Variants in DMGDH observed in about 807,000 individuals in gnomAD.
DMGDH encodes the protein dimethylglycine dehydrogenase, mitochondrial.
Under a neutral mutation model 95.2 loss-of-function variants are expected in DMGDH, and 76 were observed. The observed-to-expected ratio is 0.80, with a 90% confidence interval of 0.66 to 0.97. The LOEUF is 0.97. Among genes scored for constraint, DMGDH ranks in the 50% least tolerant of loss-of-function variants. The probability of loss-of-function intolerance (pLI) is 0.00; values close to 1 mark genes in which losing one functional copy is unlikely to be tolerated. For synonymous variants in DMGDH, 345 were observed against 377.6 expected, an observed-to-expected ratio of 0.91 and a Z score of 1.00; for missense variants, 987 against 1,055.0, an observed-to-expected ratio of 0.94 and a Z score of 0.89.
At chr5:79,015,889 A>C (rs1753723925) in intron 14 of DMGDH, among the ~76,000 whole-genome samples, 2 of 152,240 alleles carry the variant, frequency 1.3e-5, no homozygotes, top group African/African-American at 4.8e-5. Context: ...TAAAACAAAC[A>C]AAATGATTAT....
At chr5:79,030,647 C>CAAAAA (rs59687681) in intron 10 of DMGDH, 186 bp downstream of exon 10, 43 of 385,944 alleles carry the variant, frequency 1.1e-4, no homozygotes, top group Admixed American at 2.5e-4. Context: ...CTCTGTCTCT[C>CAAAAA]AAAAAAAAAA....
chr5:79,018,130 C>T (rs138927674), intron 14 of DMGDH, among the ~76,000 whole-genome samples: 1,592 of 152,314 alleles, frequency 0.01, 22 homozygotes, highest in African/African-American at 0.036. Flanking sequence ...TCACTGCAGC[C>T]TTGACCTCCC....
chr5:79,001,134 C>G (rs546149430), intron 15 of DMGDH: 1 of 544,626 alleles, frequency 1.8e-6, no homozygotes, highest in East Asian at 3.0e-5. Flanking sequence ...GCCCTGGAAG[C>G]AGCTCTGCGG....
intron 14 of DMGDH, among the ~76,000 whole-genome samples, chr5:79,008,263 G>A (rs1753584032): frequency 6.6e-6 from 1 of 152,118 alleles, no homozygotes. Flanking sequence ...GCGGGGATCG[G>A]GGCATTCTTT....
intron 13 of DMGDH, among the ~76,000 whole-genome samples, chr5:79,026,157 G>A (rs1202903229): frequency 6.6e-6 from 1 of 152,144 alleles, no homozygotes; most frequent in Non-Finnish European, 1.5e-5. Flanking sequence ...CATGAGGCAA[G>A]CCGGCTCCCC....
At chr5:79,014,880 AG>A (rs1014674376) in intron 14 of DMGDH, among the ~76,000 whole-genome samples, 1 of 71,686 alleles carries the variant, frequency 1.4e-5, no homozygotes, top group African/African-American at 7.6e-5. Flanking sequence ...GATCAGACAC[AG>A]GGGTGAGGCT....
intron 14 of DMGDH, among the ~76,000 whole-genome samples, chr5:79,016,540 C>A (rs1753738269): frequency 6.6e-6 from 1 of 152,098 alleles, no homozygotes; most frequent in African/African-American, 2.4e-5. Flanking sequence ...ATATGTAAGA[C>A]CTGTATACTG....
chr5:79,063,357 A>G (rs1204922430), intron 2 of DMGDH, among the ~76,000 whole-genome samples: 3 of 152,334 alleles, frequency 2.0e-5, no homozygotes, highest in South Asian at 4.1e-4. Flanking sequence ...AACTTATGTA[A>G]CTTGCCAAAA....
At chr5:79,021,111 A>G in intron 14 of DMGDH, 1 of 982,716 alleles carries the variant, frequency 1.0e-6, no homozygotes, top group Non-Finnish European at 1.2e-6. Context: ...TTTAGTTAAG[A>G]AGATTTTAAA....
intron 15 of DMGDH, among the ~76,000 whole-genome samples, chr5:79,002,334 C>T (rs146505926): frequency 6.6e-6 from 1 of 152,232 alleles, no homozygotes; most frequent in Non-Finnish European, 1.5e-5. Flanking sequence ...ACTGAGCCAC[C>T]GAATATAAAG....
intron 5 of DMGDH, among the ~76,000 whole-genome samples, chr5:79,050,085 C>T (rs369714652): frequency 1.1e-4 from 17 of 151,018 alleles, no homozygotes; most frequent in Non-Finnish European, 2.2e-4. Flanking sequence ...GGTGAAACCC[C>T]GTCTCTACTA....
intron 14 of DMGDH, chr5:79,021,172 T>TG: frequency 1.0e-6 from 1 of 988,582 alleles, no homozygotes; most frequent in Non-Finnish European, 1.2e-6. Flanking sequence ...CTTCCTGAAG[T>TG]GGCTCTACGG....
intron 15 of DMGDH, among the ~76,000 whole-genome samples, chr5:79,002,509 C>T (rs1373705165): frequency 6.6e-6 from 1 of 152,124 alleles, no homozygotes; most frequent in Non-Finnish European, 1.5e-5. Context: ...TTATTTTGTC[C>T]ATTGTCTGTC....
intron 5 of DMGDH, among the ~76,000 whole-genome samples, chr5:79,050,114 G>A (rs1293140160): frequency 6.6e-6 from 1 of 151,106 alleles, no homozygotes; most frequent in African/African-American, 2.4e-5. Flanking sequence ...AAAATTAGCC[G>A]GGTGTGGTGG....
intron 1 of DMGDH, among the ~76,000 whole-genome samples, chr5:79,068,884 G>A (rs1044275767): frequency 1.3e-5 from 2 of 152,170 alleles, no homozygotes; most frequent in African/African-American, 2.4e-5. Context: ...CTGGTGTGCC[G>A]CATGCAAACT....
chr5:79,044,219 G>A (rs574537036), intron 6 of DMGDH, 85 bp downstream of exon 6: 4 of 1,588,014 alleles, frequency 2.5e-6, no homozygotes, highest in Admixed American at 1.7e-5. Context: ...TTATGTTGTT[G>A]TCTTATTCTA....
intron 15 of DMGDH, among the ~76,000 whole-genome samples, chr5:78,999,837 G>A (rs1467920891): frequency 6.6e-6 from 1 of 151,246 alleles, no homozygotes; most frequent in African/African-American, 2.4e-5. Context: ...AGGGATTAGG[G>A]TCAGAGAGGT....
At chr5:79,033,803 G>A (rs1376114376) in intron 7 of DMGDH, among the ~76,000 whole-genome samples, 3 of 152,092 alleles carry the variant, frequency 2.0e-5, no homozygotes, top group South Asian at 2.1e-4. Flanking sequence ...ATGGTGGCAC[G>A]AGACTGTGGT....
At chr5:79,055,760 T>G (rs1172404049) in intron 3 of DMGDH, 50 bp downstream of exon 3, 1 of 1,124,890 alleles carries the variant, frequency 8.9e-7, no homozygotes, top group Non-Finnish European at 1.3e-6. Context: ...AAATCTTACA[T>G]GTTTCTGAGA....
Sources: gnomAD v4.1 joint callset for allele counts (sites outside exome capture counted in the v4.1 genomes callset) on GRCh38, gnomAD v4.1.1 for gene constraint, MANE v1.5 for transcripts, NCBI Gene and HGNC (gene_info 2026-07-23, HGNC 2026-07-21) for gene names.